The following CDH20 variants were observed in gnomAD, a reference collection of about 807,000 sequenced individuals.
CDH20 encodes the protein cadherin 20.
In CDH20, 29 loss-of-function variants were observed where a neutral mutation model predicts 74.2. The ratio of observed to expected loss-of-function variants is 0.39; its 90% confidence interval spans 0.29 to 0.53. CDH20 has a LOEUF of 0.53. CDH20 is among the 20% of genes least tolerant of loss of function. The pLI is 0.69. For synonymous variants in CDH20, 469 were observed against 405.4 expected, an observed-to-expected ratio of 1.16 and a Z score of -1.88; for missense variants, 988 against 1,048.3, an observed-to-expected ratio of 0.94 and a Z score of 0.79.
chr18:61,346,575 C>T (rs766264943), intron 1 of CDH20, among the ~76,000 whole-genome samples: 3 of 151,918 alleles, frequency 2.0e-5, no homozygotes, highest in East Asian at 1.9e-4. Context: ...TCAAGGAACA[C>T]GAAAATATTA....
intron 1 of CDH20, among the ~76,000 whole-genome samples, chr18:61,428,935 C>T (rs1000684253): frequency 3.3e-5 from 5 of 152,176 alleles, no homozygotes; most frequent in Admixed American, 2.0e-4. Context: ...CCATATGCCT[C>T]CTCTTCTTTT....
chr18:61,391,527 A>G (rs1429087734), intron 1 of CDH20: 1 of 152,216 alleles, frequency 6.6e-6, no homozygotes, highest in Non-Finnish European at 1.5e-5. Flanking sequence ...TAATTGATCC[A>G]TACAAGGAAC....
intron 6 of CDH20, among the ~76,000 whole-genome samples, chr18:61,521,110 C>A (rs149661156): frequency 0.013 from 1,997 of 150,922 alleles, 43 homozygotes; most frequent in Non-Finnish European, 0.021. Flanking sequence ...ACAAAAAAAC[C>A]TTCAAAAAAA....
intron 1 of CDH20, among the ~76,000 whole-genome samples, chr18:61,418,891 T>C (rs910128552): frequency 6.6e-6 from 1 of 152,200 alleles, no homozygotes; most frequent in Admixed American, 6.5e-5. Flanking sequence ...TATTTTGTTT[T>C]ATGGATTTTT....
chr18:61,381,547 T>C (rs1365181413), intron 1 of CDH20, among the ~76,000 whole-genome samples: 1 of 152,246 alleles, frequency 6.6e-6, no homozygotes, highest in Non-Finnish European at 1.5e-5. Context: ...CTGCAATAAA[T>C]AAAATTATCT....
At chr18:61,398,030 A>G (rs1350264599) in intron 1 of CDH20, among the ~76,000 whole-genome samples, 1 of 152,222 alleles carries the variant, frequency 6.6e-6, no homozygotes, top group Non-Finnish European at 1.5e-5. Flanking sequence ...TCTGCTAGCT[A>G]AGTCAGAGTG....
chr18:61,416,672 A>G (rs1291810851), intron 1 of CDH20, among the ~76,000 whole-genome samples: 1 of 152,218 alleles, frequency 6.6e-6, no homozygotes, highest in Admixed American at 6.5e-5. Context: ...AGGTGTCACC[A>G]ATGGCATTTC....
At chr18:61,494,348 T>C (rs1367507971) in intron 2 of CDH20, among the ~76,000 whole-genome samples, 1 of 152,144 alleles carries the variant, frequency 6.6e-6, no homozygotes, top group Non-Finnish European at 1.5e-5. Flanking sequence ...CTTAGCTGTG[T>C]AGCACCCTTG....
Position 61,500,472 on chromosome 18 carries a change from C to A in CDH20, c.631C>A (p.Gln211Lys). ...ARVVYSILQG[Q>K]PYFSVDSKTG... ...GGTGGTGTACAGCATTCTTCAGGGC[C>A]AGCCATATTTTTCTGTGGACTCTAA... Residue 211 changes from glutamine to lysine, a missense_variant, in exon 4 of 12, where the codon CAG becomes AAG. Gln to Lys is a moderately conservative substitution (Grantham distance 53). Coordinates refer to ENST00000262717, the MANE Select transcript of CDH20 (RefSeq NM_031891.4). 1 of 1,611,516 alleles carries A rather than the reference C, an allele frequency of 6.2e-7. No individual in the cohort carries two copies. Among genetic ancestry groups the A allele is most frequent in the Non-Finnish European group, 8.5e-7 (1 of 1,178,328 alleles).
chr18:61,382,014 G>A (rs979352395), intron 1 of CDH20, among the ~76,000 whole-genome samples: 1 of 151,926 alleles, frequency 6.6e-6, no homozygotes, highest in Admixed American at 6.6e-5. Context: ...TATCCAAAAC[G>A]TCTCTTGGCT....
intron 1 of CDH20, among the ~76,000 whole-genome samples, chr18:61,352,955 C>T (rs1910359154): frequency 6.6e-6 from 1 of 152,198 alleles, no homozygotes; most frequent in African/African-American, 2.4e-5. Context: ...TATAGTGCTG[C>T]ATAGAATAAT....
chr18:61,344,520 A>C (rs916357246), intron 1 of CDH20, among the ~76,000 whole-genome samples: 1 of 152,176 alleles, frequency 6.6e-6, no homozygotes, highest in Non-Finnish European at 1.5e-5. Context: ...CTAGAGTTTG[A>C]GACATATGGC....
chr18:61,456,095 GC>G (rs1346201199), intron 1 of CDH20, among the ~76,000 whole-genome samples: 1 of 152,086 alleles, frequency 6.6e-6, no homozygotes. Context: ...GTTTGGGGTG[GC>G]CCCATTCCAC....
intron 7 of CDH20, among the ~76,000 whole-genome samples, chr18:61,529,765 A>G (rs1365479344): frequency 6.6e-6 from 1 of 152,256 alleles, no homozygotes; most frequent in Non-Finnish European, 1.5e-5. Flanking sequence ...TTTAAAGAAT[A>G]AAACTTTCAC....
intron 1 of CDH20, among the ~76,000 whole-genome samples, chr18:61,349,728 T>C (rs1910243668): frequency 6.7e-6 from 1 of 148,272 alleles, no homozygotes; most frequent in Non-Finnish European, 1.5e-5. Context: ...AGAGAGTATA[T>C]AAACTTCTAA....
At position 61,487,379 on chromosome 18, in the gene CDH20, GA is replaced by G. The variant is rs1164715666; in HGVS notation, c.-152-3021del. Among the ~76,000 whole-genome samples, 8 of 152,304 alleles carry G rather than the reference GA, an allele frequency of 5.3e-5. No individual in the cohort carries two copies. The East Asian group carries it at 1.5e-3, about 29-fold the overall frequency. On this transcript the variant is annotated intron_variant, in intron 1 of 11. Transcript: ENST00000262717. ...TAAAAAACACCTCTAATTGTGAAAA[GA>G]ATAATGCGACTATTGTATAACCCAG...
intron 8 of CDH20, among the ~76,000 whole-genome samples, chr18:61,538,596 G>GTTTTTTTTTTTTTTTTTTTTTTT (rs533711893): frequency 8.2e-5 from 2 of 24,518 alleles, no homozygotes; most frequent in Non-Finnish European, 1.9e-4. Flanking sequence ...TTGTTTGTTT[G>GTTTTTTTTTTTTTTTTTTTTTTT]TTTTTGTTTT....
At chr18:61,503,922 C>A (rs1019141785) in intron 5 of CDH20, among the ~76,000 whole-genome samples, 10 of 151,982 alleles carry the variant, frequency 6.6e-5, no homozygotes, top group African/African-American at 2.2e-4. Context: ...CTTATTCATT[C>A]AAAAAATATT....
Position 61,381,979 on chromosome 18 carries a change from A to G in CDH20, c.-153+48152A>G, listed in dbSNP as rs1216804505. On this transcript the variant is annotated intron_variant, in intron 1 of 11. Coordinates refer to ENST00000262717, the MANE Select transcript of CDH20 (RefSeq NM_031891.4). ...TTCTGTCACTACTACCCCCCCCAGTATGGTCACAACTTCTGCTACTTCCAT... is the reference window on the plus strand; with the variant it reads ...TTCTGTCACTACTACCCCCCCCAGTGTGGTCACAACTTCTGCTACTTCCAT... Among the ~76,000 whole-genome samples, 3 of 152,124 alleles carry G rather than the reference A, an allele frequency of 2.0e-5. No individual in the cohort carries two copies. The East Asian group carries it at 5.8e-4, about 29-fold the overall frequency.
Sources: gnomAD v4.1 joint callset for allele counts (sites outside exome capture counted in the v4.1 genomes callset) on GRCh38, gnomAD v4.1.1 for gene constraint, MANE v1.5 for transcripts, NCBI Gene and HGNC (gene_info 2026-07-23, HGNC 2026-07-21) for gene names.